The following CUZD1 variants were observed in gnomAD, a reference collection of about 807,000 sequenced individuals.
CUZD1 encodes CUB and zona pellucida like domains 1, also known as CUB and zona pellucida-like domain-containing protein 1.
CUZD1 carries 42 observed loss-of-function variants against 53.1 expected under a neutral mutation model. The ratio of observed to expected loss-of-function variants is 0.79; its 90% CI spans 0.62 to 1.02. The LOEUF is 1.02. CUZD1 is among the 50% of genes least tolerant of loss of function. The pLI is 0.00. For synonymous variants in CUZD1, 238 were observed against 257.2 expected (o/e 0.93, Z 0.71); for missense variants, 670 against 715.7 (o/e 0.94, Z 0.73).
At position 122,834,747 on chromosome 10, in the gene CUZD1, G is replaced by A. The variant is rs763479860; in HGVS notation, c.1341C>T (p.Thr447=). The A allele has an allele frequency of 2.5e-6, 4 of 1,611,842 alleles. No individual in the cohort carries two copies. Among genetic ancestry groups the A allele is most frequent in the Non-Finnish European group, 3.4e-6 (4 of 1,178,744 alleles). ...CGTAGGTTGGAGATGCAAAGTCAGA[G>A]GTGGGAGAGGCTCTACAGGTATCAA... ...VFLDTCRASP[T]SDFASPTYDL... Residue 447 remains threonine, a synonymous_variant, in exon 7 of 9, where the codon ACC becomes ACT. Coordinates refer to ENST00000392790, the MANE Select transcript of CUZD1 (RefSeq NM_022034.6).
At chr10:122,835,499 T>TA (rs1006141037) in intron 6 of CUZD1, among the ~76,000 whole-genome samples, 45 of 152,182 alleles carry the variant, frequency 3.0e-4, no homozygotes, top group African/African-American at 1.0e-3. Context: ...GGAAGGCCCT[T>TA]AGCTGCCTTC....
intron 8 of CUZD1, among the ~76,000 whole-genome samples, chr10:122,833,281 A>T (rs1385063033): frequency 6.6e-6 from 1 of 152,050 alleles, no homozygotes. Flanking sequence ...TTTTTCAAAT[A>T]GGCTATTATG....
At chr10:122,832,508 T>C (rs1475470059) in intron 8 of CUZD1, 58 bp from the exon 9 acceptor site, 1 of 1,528,248 alleles carries the variant, frequency 6.5e-7, no homozygotes, top group Non-Finnish European at 9.0e-7. Context: ...TTATAAAATG[T>C]TGGTAGCTTT....
rs1302976709 is a variant in CUZD1, at chr10:122,837,611, T to C, written c.449-57A>G. On this transcript the variant is annotated intron_variant, in intron 3 of 8. Coordinates refer to ENST00000392790, the MANE Select transcript of CUZD1 (RefSeq NM_022034.6). ...ACATCAAAATAGAGACTGCTTTTAA[T>C]TTCTGTGTTGTGCATTGAGCTTAAC... The C allele has an allele frequency of 2.7e-6, 4 of 1,491,080 alleles. No individual in the cohort carries two copies. In the Admixed American group the frequency reaches 7.0e-5, roughly 26 times the overall value. 92.4% of individuals were successfully genotyped at this position (1,491,080 alleles called of 1,614,324 possible).
chr10:122,841,383 T>C, intron 1 of CUZD1, 55 bp from the exon 2 acceptor site: 1 of 1,508,040 alleles, frequency 6.6e-7, no homozygotes, highest in Non-Finnish European at 8.9e-7. Flanking sequence ...TTCCCCTCCC[T>C]GAGAGATTAG....
chr10:122,834,783 C>G lies in CUZD1; in HGVS notation c.1305G>C (p.Leu435Phe), dbSNP rs199934875. Residue 435 changes from leucine to phenylalanine, a missense_variant, in exon 7 of 9, where the codon TTG becomes TTC. By Grantham distance (22) the Leu-to-Phe change is conservative (BLOSUM62 0). Coordinates refer to ENST00000392790, the MANE Select transcript of CUZD1 (RefSeq NM_022034.6). ...QVSLHTSDPN[L>F]VVFLDTCRAS... ...CTCTACAGGTATCAAGAAACACCAC[C>G]AAATTTGGATCTGAGGTGTGCAGAC... 147 of 1,613,540 alleles carry G rather than the reference C, an allele frequency of 9.1e-5. No individual in the cohort carries two copies. Among genetic ancestry groups the G allele is most frequent in the Admixed American group, 3.3e-4 (20 of 59,968 alleles).
chr10:122,842,885 G>A (rs1591713551), intron 1 of CUZD1, among the ~76,000 whole-genome samples: 1 of 152,218 alleles, frequency 6.6e-6, no homozygotes, highest in African/African-American at 2.4e-5. Flanking sequence ...TAGTCATCAG[G>A]GAAATACAAA....
At position 122,836,833 on chromosome 10, in the gene CUZD1, G is replaced by A. The variant is rs770265336; in HGVS notation, c.815C>T (p.Thr272Ile). 6 of 1,605,124 alleles carry A rather than the reference G, an allele frequency of 3.7e-6. No homozygotes were observed. The highest frequency in any genetic ancestry group is 1.7e-4 in the Middle Eastern group (1 of 6,050). The change falls in exon 5 of 9, where the codon ACT (threonine) becomes ATT (isoleucine). Residue 272 changes from threonine to isoleucine, a missense_variant and splice_region_variant. Transcript: ENST00000392790. The part of the protein sequence containing the change: ...YTSIYAENIN[T>I]TSLTCSSDRM... ...TAAGAATATAAAACATGACTTACTA[G>A]TGTTGATGTTTTCTGCATAAATTGA...
At chr10:122,834,227 C>T (rs1025804520) in intron 7 of CUZD1, among the ~76,000 whole-genome samples, 14 of 152,020 alleles carry the variant, frequency 9.2e-5, no homozygotes, top group African/African-American at 2.2e-4. Flanking sequence ...TGTATCAGTA[C>T]GAATGACGTA....
At chr10:122,835,766 GT>G (rs928372302) in intron 6 of CUZD1, among the ~76,000 whole-genome samples, 3 of 152,080 alleles carry the variant, frequency 2.0e-5, no homozygotes, top group African/African-American at 4.8e-5. Context: ...GTTTAAATGG[GT>G]TTTTTTAAAT....
rs770265336 is a variant in CUZD1, at chr10:122,836,833, G to T, written c.815C>A (p.Thr272Asn). The T allele has an allele frequency of 5.0e-6, 8 of 1,605,124 alleles. No individual in the cohort carries two copies. In the South Asian group the frequency reaches 7.7e-5, roughly 15 times the overall value. The change falls in exon 5 of 9, where the codon ACT (threonine) becomes AAT (asparagine). Residue 272 changes from threonine to asparagine, a missense_variant and splice_region_variant. Thr to Asn is a moderately conservative substitution (Grantham distance 65). Coordinates refer to ENST00000392790, the MANE Select transcript of CUZD1 (RefSeq NM_022034.6). ...YTSIYAENIN[T>N]TSLTCSSDRM... ...TAAGAATATAAAACATGACTTACTA[G>T]TGTTGATGTTTTCTGCATAAATTGA...
chr10:122,844,739 T>C (rs1239839450), intron 1 of CUZD1, among the ~76,000 whole-genome samples: 3 of 152,184 alleles, frequency 2.0e-5, no homozygotes. Flanking sequence ...AATTCTTATA[T>C]TTTTATGTAT....
Position 122,836,164 on chromosome 10 carries a change from G to T in CUZD1, c.990+14C>A. On this transcript the variant is annotated intron_variant, in intron 6 of 8. Coordinates refer to ENST00000392790, the MANE Select transcript of CUZD1 (RefSeq NM_022034.6). ...AGCATTTGACAAAATCCAGCTATCA[G>T]TATTTCACTTTACCTTTCTGATTGT... 2.5e-6 allele frequency: 4 copies of T among 1,591,316 alleles called. No individual in the cohort carries two copies. Among genetic ancestry groups the T allele is most frequent in the Non-Finnish European group, 3.4e-6 (4 of 1,171,292 alleles).
chr10:122,841,278 G>T lies in CUZD1; in HGVS notation c.133C>A (p.His45Asn). 6.2e-7 allele frequency: 1 copy of T among 1,613,930 alleles called. No homozygotes were observed. Among genetic ancestry groups the T allele is most frequent in the Non-Finnish European group, 8.5e-7 (1 of 1,179,898 alleles). Residue 45 changes from histidine (H) to asparagine (N), a missense_variant, in exon 2 of 9, where the codon CAC (histidine) becomes AAC (asparagine). Coordinates refer to ENST00000392790, the MANE Select transcript of CUZD1 (RefSeq NM_022034.6). ...TTGAGTTGCAGGATCATGGCTTTGTGGGTCTCTGCCATATTGGCACCCCCT... is the reference window on the plus strand; with the variant it reads ...TTGAGTTGCAGGATCATGGCTTTGTTGGTCTCTGCCATATTGGCACCCCCT... ...SLGGANMAET[H>N]KAMILQLNPS...
At chr10:122,842,060 T>A (rs2133817848) in intron 1 of CUZD1, among the ~76,000 whole-genome samples, 1 of 152,262 alleles carries the variant, frequency 6.6e-6, no homozygotes, top group East Asian at 1.9e-4. Context: ...TTTCTCCCAA[T>A]CTGTATCTTG....
intron 6 of CUZD1, 62 bp from the exon 7 acceptor site, chr10:122,835,159 A>G (rs1432018895): frequency 3.0e-6 from 4 of 1,323,674 alleles, no homozygotes; most frequent in Non-Finnish European, 4.1e-6. Context: ...TAGAGCATAG[A>G]TGTGGATAAC....
Position 122,832,317 on chromosome 10 carries a change from T to C in CUZD1, c.1785A>G (p.Gln595=), listed in dbSNP as rs555509336. 6 of 1,614,110 alleles carry C rather than the reference T, an allele frequency of 3.7e-6. No individual in the cohort carries two copies. The South Asian group carries it at 4.4e-5, about 12-fold the overall frequency. ...GCTTCTGGTATTTGTAGTCTGCCCG[T>C]TGATTTACAAAATGCCTCACTGTGA... ...ATITVRHFVN[Q]RADYKYQKLQ... Residue 595 remains glutamine (Q), a synonymous_variant, in exon 9 of 9, where the codon CAA becomes CAG. Coordinates refer to ENST00000392790, the MANE Select transcript of CUZD1 (RefSeq NM_022034.6).
intron 8 of CUZD1, among the ~76,000 whole-genome samples, chr10:122,833,051 G>C (rs1847184092): frequency 6.6e-6 from 1 of 152,142 alleles, no homozygotes; most frequent in African/African-American, 2.4e-5. Context: ...TAAATACAGA[G>C]ATCATAAGGT....
At chr10:122,845,740 A>C in intron 1 of CUZD1, 22 bp downstream of exon 1, 2 of 1,608,754 alleles carry the variant, frequency 1.2e-6, no homozygotes, top group South Asian at 1.1e-5. Flanking sequence ...TTTGGTGAAT[A>C]AATCTGGTTC....
Sources: allele counts gnomAD v4.1 joint callset (sites outside exome capture counted in the v4.1 genomes callset), GRCh38; gene constraint gnomAD v4.1.1; transcripts MANE v1.5; gene names NCBI Gene and HGNC (gene_info 2026-07-23, HGNC 2026-07-21).